SPAG17: variants seen among roughly 807,000 people sequenced by gnomAD.
The protein encoded by SPAG17 is sperm associated antigen 17.
SPAG17 carries 169 observed loss-of-function variants against 273.6 expected under a neutral mutation model. That is an observed-to-expected ratio of 0.62 (90% CI 0.55 to 0.70). SPAG17 has a LOEUF of 0.70. Ranked by LOEUF, SPAG17 falls within the 30% of genes least tolerant of loss-of-function variation. The probability of loss-of-function intolerance (pLI) is 0.00; values close to 1 mark genes in which losing one functional copy is unlikely to be tolerated. For synonymous variants in SPAG17, 825 were observed against 873.2 expected, an observed-to-expected ratio of 0.94 and a Z score of 0.97; for missense variants, 2,557 against 2,627.8, an observed-to-expected ratio of 0.97 and a Z score of 0.59.
intron 3 of SPAG17, among the ~76,000 whole-genome samples, chr1:118,129,780 TTCC>T (rs1657956673): frequency 6.6e-6 from 1 of 151,804 alleles, no homozygotes; most frequent in Non-Finnish European, 1.5e-5. Context: ...CTTCTTCTTC[TTCC>T]TCCTCTTCTT....
At chr1:118,013,251 G>C (rs1241470116) in intron 29 of SPAG17, among the ~76,000 whole-genome samples, 1 of 152,192 alleles carries the variant, frequency 6.6e-6, no homozygotes, top group Non-Finnish European at 1.5e-5. Context: ...TGAAGGTCTG[G>C]ATGGACGTGA....
rs747969891 is a variant in SPAG17 at position 118,005,490 on chromosome 1, C to A, written c.4700G>T (p.Arg1567Leu). The stretch of plus-strand genomic sequence containing the variant: ...ATGCCTCATGATGTACCTGCCAGCT[C>A]GCAGCTGCTCACGCTTTTGAAAAGG... ...YYPFQKREQLRAGRYIMRHTS... is the reference protein window; with the variant it reads ...YYPFQKREQLLAGRYIMRHTS... Residue 1567 changes from arginine to leucine, a missense_variant, in exon 32 of 49, where the codon CGA becomes CTA. Physicochemically the swap from Arg to Leu is moderately radical, Grantham distance 102. Transcript: ENST00000336338. 9 of 1,613,660 alleles carry A rather than the reference C, an allele frequency of 5.6e-6. No homozygotes were observed. Among genetic ancestry groups the A allele is most frequent in the Non-Finnish European group, 7.6e-6 (9 of 1,179,770 alleles).
At chr1:118,050,337 T>G (rs1650856650) in intron 20 of SPAG17, among the ~76,000 whole-genome samples, 1 of 152,192 alleles carries the variant, frequency 6.6e-6, no homozygotes, top group African/African-American at 2.4e-5. Context: ...TAAAGCTTTT[T>G]AATAAACTTC....
chr1:118,004,847 T>C (rs1038314739), intron 32 of SPAG17, among the ~76,000 whole-genome samples: 6 of 152,210 alleles, frequency 3.9e-5, no homozygotes, highest in South Asian at 2.1e-4. Context: ...CCCAGTGAGA[T>C]GAACCAGGTA....
chr1:118,091,740 A>G (rs1315639429), intron 9 of SPAG17, 22 bp from the exon 10 acceptor site: 5 of 1,480,374 alleles, frequency 3.4e-6, no homozygotes, highest in African/African-American at 1.4e-5. Context: ...AGAAAATACC[A>G]TTGCCCAATT....
At chr1:118,030,657 G>A (rs1334689162) in intron 25 of SPAG17, among the ~76,000 whole-genome samples, 1 of 152,026 alleles carries the variant, frequency 6.6e-6, no homozygotes, top group Non-Finnish European at 1.5e-5. Context: ...TGTTCTCATT[G>A]TTCAACTCCC....
At position 118,081,659 on chromosome 1, in the gene SPAG17, C is replaced by T. The variant is rs751060868; in HGVS notation, c.1763-17G>A. 1.4e-5 allele frequency: 22 copies of T among 1,602,732 alleles called. No homozygotes were observed. Among genetic ancestry groups the T allele is most frequent in the Non-Finnish European group, 1.5e-5 (18 of 1,170,030 alleles). Reference sequence around the variant, plus strand: ...TCAAGACATCTGTAAGAAAGCAGAACCAGTGCTGCTGGAAATGTTCTTATT... The same window carrying T: ...TCAAGACATCTGTAAGAAAGCAGAATCAGTGCTGCTGGAAATGTTCTTATT... On this transcript the variant is annotated splice_polypyrimidine_tract_variant and intron_variant, in intron 13 of 48. Transcript: ENST00000336338.
intron 27 of SPAG17, among the ~76,000 whole-genome samples, chr1:118,023,994 C>G (rs185964918): frequency 7.6e-4 from 115 of 152,224 alleles, no homozygotes; most frequent in African/African-American, 2.7e-3. Flanking sequence ...AGTCAAATGT[C>G]TATCTGGTTT....
intron 17 of SPAG17, among the ~76,000 whole-genome samples, chr1:118,070,468 G>A (rs534883841): frequency 6.6e-6 from 1 of 152,252 alleles, no homozygotes; most frequent in South Asian, 2.1e-4. Context: ...CTAGCAGAGG[G>A]GAAGAGGGTA....
intron 3 of SPAG17, 127 bp from the exon 4 acceptor site, chr1:118,115,568 T>C (rs1657026828): frequency 2.0e-6 from 2 of 982,856 alleles, no homozygotes; most frequent in South Asian, 2.0e-5. Context: ...CATTGCTGGC[T>C]GAAAAAAAAA....
At chr1:118,012,143 T>C (rs1468394762) in intron 30 of SPAG17, 85 bp downstream of exon 30, 1 of 1,340,748 alleles carries the variant, frequency 7.5e-7, no homozygotes, top group African/African-American at 1.5e-5. Context: ...TTCTTATGTG[T>C]ATGTTCAGCA....
intron 4 of SPAG17, among the ~76,000 whole-genome samples, chr1:118,107,359 T>C (rs1240032014): frequency 6.6e-6 from 1 of 152,166 alleles, no homozygotes; most frequent in Non-Finnish European, 1.5e-5. Flanking sequence ...TCCTGCTCAC[T>C]TCCCTTTCTC....
intron 3 of SPAG17, among the ~76,000 whole-genome samples, 163 bp from the exon 4 acceptor site, chr1:118,115,604 C>T (rs1657031641): frequency 6.6e-6 from 1 of 152,040 alleles, no homozygotes; most frequent in Non-Finnish European, 1.5e-5. Flanking sequence ...TGCCTCAATG[C>T]TACAGAGAGG....
At chr1:118,138,229 A>G (rs146894392) in intron 3 of SPAG17, among the ~76,000 whole-genome samples, 1 of 152,178 alleles carries the variant, frequency 6.6e-6, no homozygotes, top group Non-Finnish European at 1.5e-5. Context: ...AATGTCACAA[A>G]ATAATAGGAA....
chr1:118,166,660 T>C (rs1038394300), intron 1 of SPAG17, among the ~76,000 whole-genome samples: 7 of 152,204 alleles, frequency 4.6e-5, no homozygotes, highest in South Asian at 2.1e-4. Context: ...TAAATACTTA[T>C]CATTGAAACC....
chr1:117,971,798 G>C, intron 45 of SPAG17, 65 bp downstream of exon 45: 1 of 1,397,602 alleles, frequency 7.2e-7, no homozygotes, highest in East Asian at 2.3e-5. Flanking sequence ...TGATGGAGGT[G>C]ACCAAAGACA....
At chr1:117,969,833 T>A (rs1654345993) in intron 46 of SPAG17, among the ~76,000 whole-genome samples, 1 of 152,244 alleles carries the variant, frequency 6.6e-6, no homozygotes, top group East Asian at 1.9e-4. Flanking sequence ...TAACTCTGTT[T>A]ATGCATTGGA....
chr1:117,988,274 T>C, intron 38 of SPAG17, 70 bp from the exon 39 acceptor site: 1 of 1,141,186 alleles, frequency 8.8e-7, no homozygotes, highest in East Asian at 2.6e-5. Flanking sequence ...AGTACACAAT[T>C]ACTCATTTGA....
At chr1:118,030,790 C>T (rs1571288419) in intron 25 of SPAG17, among the ~76,000 whole-genome samples, 1 of 152,144 alleles carries the variant, frequency 6.6e-6, no homozygotes, top group Non-Finnish European at 1.5e-5. Context: ...TCTATGGCTG[C>T]ATAGTATTCC....
Sources: gnomAD v4.1 joint callset for allele counts (sites outside exome capture counted in the v4.1 genomes callset) on GRCh38, gnomAD v4.1.1 for gene constraint, MANE v1.5 for transcripts, NCBI Gene and HGNC (gene_info 2026-07-23, HGNC 2026-07-21) for gene names.